The following FCHO1 variants were observed in gnomAD, a reference collection of about 807,000 sequenced individuals.
FCHO1 encodes F-BAR domain only protein 1.
A neutral mutation model predicts 114.4 loss-of-function variants in FCHO1; 45 were observed. The ratio of observed to expected loss-of-function variants is 0.39; its 90% confidence interval spans 0.31 to 0.50. The LOEUF (loss-of-function observed/expected upper bound fraction) is 0.50, where lower values mean the gene tolerates loss of function less well. FCHO1 is among the 20% of genes least tolerant of loss of function. The pLI, the probability that FCHO1 is intolerant of heterozygous loss-of-function variation, is 0.77. For synonymous variants in FCHO1, 480 were observed against 488.9 expected (o/e 0.98, Z 0.24); for missense variants, 1,042 against 1,209.6 (o/e 0.86, Z 2.06).
intron 26 of FCHO1, 141 bp downstream of exon 26, chr19:17,785,065 G>A (rs265555): frequency 0.54 from 425,368 of 781,552 alleles, 125,203 homozygotes; most frequent in African/African-American, 0.74. Context: ...TAAGGGTGAT[G>A]TTATGAGTGC....
chr19:17,781,184 A>G (rs1205938768), intron 20 of FCHO1, 47 bp from the exon 21 acceptor site: 29 of 1,403,752 alleles, frequency 2.1e-5, no homozygotes, highest in Admixed American at 9.9e-5. Flanking sequence ...GAGGCCCCAG[A>G]GGCCCCGGGC....
rs1006517748 is a variant in FCHO1, at chr19:17,775,600, C to T, written c.1003+87C>T. 8.1e-7 allele frequency: 1 copy of T among 1,227,184 alleles called. No individual in the cohort carries two copies. The highest frequency in any genetic ancestry group is 1.5e-5 in the African/African-American group (1 of 67,282). The allele number at this position is 1,227,184 out of a possible 1,614,324, so 76.0% of individuals were successfully genotyped here. On this transcript the variant is annotated intron_variant, in intron 15 of 28. Coordinates refer to ENST00000596536, the MANE Select transcript of FCHO1 (RefSeq NM_015122.3). This position sits in a 1 kb window ranked among gnomAD's most constrained non-coding sequence, Gnocchi z 5.1. ...TAACCAGTCCACCTTCAGCAGTCCT[C>T]TCTGTGTACATCCTGGAGAGAGTCT...
chr19:17,776,719 G>C lies in FCHO1; in HGVS notation c.1259+33G>C. The C allele has an allele frequency of 6.2e-7, 1 of 1,605,234 alleles. No individual in the cohort carries two copies. The highest frequency in any genetic ancestry group is 8.5e-7 in the Non-Finnish European group (1 of 1,173,108). On this transcript the variant is annotated intron_variant, in intron 18 of 28. Transcript: ENST00000596536. This position sits in a 1 kb window ranked among gnomAD's most constrained non-coding sequence, Gnocchi z 4.4. ...CCACACGAGTGGGCAGGTGGGGGCT[G>C]TCCCCACCTCCTCCCTCCACCTCCC...
At chr19:17,780,767 C>T (rs939935690) in intron 20 of FCHO1, among the ~76,000 whole-genome samples, 28 of 151,900 alleles carry the variant, frequency 1.8e-4, no homozygotes, top group Admixed American at 5.9e-4. Flanking sequence ...CAAGGGAGCA[C>T]GTTCATAGAT....
At position 17,755,045 on chromosome 19, in the gene FCHO1, C is replaced by G. The variant is rs1282976503; in HGVS notation, c.-47-73C>G. On this transcript the variant is annotated intron_variant, in intron 3 of 28. Coordinates refer to ENST00000596536, the MANE Select transcript of FCHO1 (RefSeq NM_015122.3). ...CTTCATCCTTTCTCTCCTTCCTCTA[C>G]AGGGAGGGACTTTCCCCCCACCAAG... 1.1e-5 allele frequency: 10 copies of G among 909,598 alleles called. No homozygotes were observed. The African/African-American group carries it at 1.6e-4, about 15-fold the overall frequency. The allele number at this position is 909,598 out of a possible 1,614,324, so 56.3% of individuals were successfully genotyped here. A position where few individuals can be genotyped will look rare whatever the true frequency, so the allele number is the denominator to read the frequency against.
intron 11 of FCHO1, among the ~76,000 whole-genome samples, chr19:17,773,074 G>A (rs2091985361): frequency 1.3e-5 from 2 of 152,208 alleles, no homozygotes; most frequent in Admixed American, 1.3e-4. Context: ...TGAATGCCAG[G>A]CTTGGCTGAT....
At chr19:17,772,089 G>C (rs951535072) in intron 9 of FCHO1, among the ~76,000 whole-genome samples, 1 of 152,166 alleles carries the variant, frequency 6.6e-6, no homozygotes, top group African/African-American at 2.4e-5. Context: ...GGGATTACAG[G>C]CATGATACAC....
chr19:17,765,469 C>T (rs1433954327), intron 6 of FCHO1, among the ~76,000 whole-genome samples: 3 of 151,742 alleles, frequency 2.0e-5, no homozygotes, highest in South Asian at 2.1e-4. Context: ...GCCAAAAGTT[C>T]GAGACCAGCC....
At chr19:17,769,086 G>T (rs36086083) in intron 7 of FCHO1, among the ~76,000 whole-genome samples, 67,506 of 150,456 alleles carry the variant, frequency 0.45, 15,935 homozygotes, top group East Asian at 0.71. Flanking sequence ...GACCAGCCTG[G>T]CCAAAATGGT....
chr19:17,776,552 C>CGA lies in FCHO1; in HGVS notation c.1208-81_1208-80dup. On this transcript the variant is annotated intron_variant, in intron 17 of 28. Transcript: ENST00000596536. The surrounding 1 kb of genome is among the most constrained non-coding windows in gnomAD (Gnocchi z 4.4). Reference sequence around the variant, plus strand: ...CCTTGGGCAACTGGCTGGACACCCCCGAGCCTCGGTCCCTTGGTCTGTGGA... The same window carrying CGA: ...CCTTGGGCAACTGGCTGGACACCCCCGAGAGCCTCGGTCCCTTGGTCTGTGGA... 1 of 1,514,806 alleles carries CGA rather than the reference C, an allele frequency of 6.6e-7. No individual in the cohort carries two copies. Among genetic ancestry groups the CGA allele is most frequent in the Non-Finnish European group, 9.2e-7 (1 of 1,091,558 alleles). The allele number at this position is 1,514,806 out of a possible 1,614,324, so 93.8% of individuals were successfully genotyped here. A position where few individuals can be genotyped will look rare whatever the true frequency, so the allele number is the denominator to read the frequency against.
At position 17,777,552 on chromosome 19, in the gene FCHO1, A is replaced by G. The variant is rs1453115761; in HGVS notation, c.1260-585A>G. Among the ~76,000 whole-genome samples the G allele has an allele frequency of 4.1e-3, 587 of 144,638 alleles. 8 individuals are homozygous for G. Among genetic ancestry groups the G allele is most frequent in the Non-Finnish European group, 4.8e-3 (311 of 65,420 alleles). The allele number at this position is 144,638 out of a possible 152,430, so 94.9% of individuals were successfully genotyped here. On this transcript the variant is annotated intron_variant, in intron 18 of 28. Transcript: ENST00000596536. ...CTCCGTCTCAAAAAAAAAAAAAAAA[A>G]AAAAAAAAAAGCAAATAAGTTAGAG...
upstream of FCHO1, among the ~76,000 whole-genome samples, chr19:17,750,529 G>A (rs959983932): frequency 6.6e-5 from 10 of 152,162 alleles, no homozygotes; most frequent in South Asian, 2.1e-3. Context: ...CTCGATCTCC[G>A]CTCACTGCAA....
chr19:17,785,852 T>C (rs1429721898), intron 26 of FCHO1, among the ~76,000 whole-genome samples: 1 of 133,700 alleles, frequency 7.5e-6, no homozygotes, highest in East Asian at 2.0e-4. Context: ...AAAAAAATAG[T>C]AGTGGTAGTG....
At chr19:17,761,024 C>T (rs1266802547) in intron 4 of FCHO1, among the ~76,000 whole-genome samples, 1 of 152,164 alleles carries the variant, frequency 6.6e-6, no homozygotes, top group African/African-American at 2.4e-5. Flanking sequence ...ACAGTGCAGC[C>T]CTGGCCTCCC....
chr19:17,777,311 C>T (rs1022267888), intron 18 of FCHO1, among the ~76,000 whole-genome samples: 3 of 151,606 alleles, frequency 2.0e-5, no homozygotes, highest in East Asian at 2.0e-4. Flanking sequence ...CCAAGGCAGG[C>T]GGATCACCTG....
At chr19:17,786,676 A>G (rs770672683) in intron 27 of FCHO1, 47 bp downstream of exon 27, 6 of 1,563,078 alleles carry the variant, frequency 3.8e-6, no homozygotes, top group South Asian at 2.3e-5. Context: ...GACTGGGGTC[A>G]GGTGGGAGGC....
In FCHO1 at chr19:17,778,187, G is replaced by T. The variant is rs777262065; in HGVS notation, c.1310G>T (p.Gly437Val). 1 of 1,613,854 alleles carries T rather than the reference G, an allele frequency of 6.2e-7. No individual in the cohort carries two copies. Among genetic ancestry groups the T allele is most frequent in the Non-Finnish European group, 8.5e-7 (1 of 1,179,946 alleles). ...GAGCAGGTGTCCAAGAACCTCTTTG[G>T]GCCGCCCCTGGAGTCAGCCTTTGAC... ...SEEQVSKNLF[G>V]PPLESAFDHE... The change falls in exon 19 of 29, where the codon GGG becomes GTG. Residue 437 changes from glycine (G) to valine (V), a missense_variant. Gly to Val is a moderately radical substitution (Grantham distance 109, BLOSUM62 -3). Coordinates refer to ENST00000596536, the MANE Select transcript of FCHO1 (RefSeq NM_015122.3).
At position 17,776,288 on chromosome 19, in the gene FCHO1, C is replaced by T; in HGVS notation, c.1207+17C>T. 8.7e-6 allele frequency: 14 copies of T among 1,614,100 alleles called. 1 individual carries two copies. In the South Asian group the frequency reaches 1.4e-4, roughly 16 times the overall value. On this transcript the variant is annotated intron_variant, in intron 17 of 28. Coordinates refer to ENST00000596536, the MANE Select transcript of FCHO1 (RefSeq NM_015122.3). The surrounding 1 kb of genome is among the most constrained non-coding windows in gnomAD (Gnocchi z 4.4). ...ATTCTTCACGTGAGTAGCCTTTGGT[C>T]TTCAGAGTGGGGAGGATCCTAAGGA... is the stretch of plus-strand genomic sequence containing the variant.
Position 17,783,985 on chromosome 19 carries a change from C to G in FCHO1, c.2094-118C>G. 4 of 1,295,140 alleles carry G rather than the reference C, an allele frequency of 3.1e-6. No individual in the cohort carries two copies. The South Asian group carries it at 5.8e-5, about 19-fold the overall frequency. The allele number at this position is 1,295,140 out of a possible 1,614,324, so 80.2% of individuals were successfully genotyped here. ...CCGCACCACAACCACCCAGGTAGGG[C>G]TTTGCTGGGCCCAGGGTGGGCCAGG... is the stretch of plus-strand genomic sequence containing the variant. On this transcript the variant is annotated intron_variant, in intron 24 of 28. Coordinates refer to ENST00000596536, the MANE Select transcript of FCHO1 (RefSeq NM_015122.3).
Sources: allele counts gnomAD v4.1 joint callset (sites outside exome capture counted in the v4.1 genomes callset), GRCh38; gene constraint gnomAD v4.1.1; non-coding constraint Gnocchi (gnomAD v3.1); transcripts MANE v1.5; gene names NCBI Gene and HGNC (gene_info 2026-07-23, HGNC 2026-07-21).